The following EYS variants were observed in gnomAD, a reference collection of about 807,000 sequenced individuals.
EYS encodes the protein EGF-like photoreceptor maintenance factor.
Under a neutral mutation model 282.1 loss-of-function variants are expected in EYS, and 250 were observed. The observed-to-expected ratio is 0.89, with a 90% CI of 0.80 to 0.98. EYS has a LOEUF of 0.98. EYS is among the 50% of genes least tolerant of loss of function. EYS has a pLI of 0.00. For missense variants in EYS, 4,016 were observed against 3,709.0 expected (o/e 1.08, Z -2.15); for synonymous variants, 1,355 against 1,282.9 (o/e 1.06, Z -1.20).
At chr6:64,786,875 TC>T (rs973364640) in intron 22 of EYS, among the ~76,000 whole-genome samples, 2 of 152,220 alleles carry the variant, frequency 1.3e-5, no homozygotes, top group African/African-American at 4.8e-5. Flanking sequence ...CACTCAGCTT[TC>T]TCTGACTTCA....
intron 12 of EYS, among the ~76,000 whole-genome samples, chr6:65,143,075 C>T (rs1049579532): frequency 8.6e-5 from 13 of 151,938 alleles, no homozygotes; most frequent in Non-Finnish European, 1.8e-4. Flanking sequence ...GAAAAAGACT[C>T]ATATATAAAT....
chr6:65,134,219 G>T (rs757478029), intron 12 of EYS, among the ~76,000 whole-genome samples: 9 of 151,950 alleles, frequency 5.9e-5, no homozygotes, highest in Non-Finnish European at 1.2e-4. Context: ...TTCTCAAACA[G>T]CTAGAAACAG....
chr6:65,313,029 G>A (rs1769202038), intron 11 of EYS, among the ~76,000 whole-genome samples: 1 of 152,034 alleles, frequency 6.6e-6, no homozygotes, highest in Non-Finnish European at 1.5e-5. Context: ...ACTGTTTCGT[G>A]GAACACCAGC....
chr6:65,137,384 C>T (rs972878164), intron 12 of EYS, among the ~76,000 whole-genome samples: 1 of 151,994 alleles, frequency 6.6e-6, no homozygotes, highest in Non-Finnish European at 1.5e-5. Context: ...AGAAATGAGA[C>T]CATTTGAGGT....
intron 31 of EYS, among the ~76,000 whole-genome samples, chr6:64,178,401 A>G (rs1048535849): frequency 3.3e-5 from 5 of 152,026 alleles, no homozygotes; most frequent in Non-Finnish European, 5.9e-5. Flanking sequence ...AATTGCTCTG[A>G]CTCTGTAATT....
At chr6:64,188,903 C>T (rs961294257) in intron 31 of EYS, among the ~76,000 whole-genome samples, 7 of 152,072 alleles carry the variant, frequency 4.6e-5, no homozygotes, top group African/African-American at 7.2e-5. Context: ...ATTTCATCAT[C>T]TTTTTACTGC....
intron 2 of EYS, among the ~76,000 whole-genome samples, chr6:65,607,688 G>A: frequency 6.6e-6 from 1 of 151,676 alleles, no homozygotes; most frequent in East Asian, 1.9e-4. Context: ...AACAAAATTT[G>A]TGCTTTAAAG....
chr6:64,040,284 TCA>T (rs1327545735), intron 33 of EYS, among the ~76,000 whole-genome samples: 1 of 152,216 alleles, frequency 6.6e-6, no homozygotes, highest in Non-Finnish European at 1.5e-5. Context: ...GGAAGATGCC[TCA>T]GAGTTACTAG....
intron 28 of EYS, among the ~76,000 whole-genome samples, chr6:64,404,372 AGTGTGAGAGTGTGTGTGTGTGT>A (rs1429641055): frequency 2.9e-5 from 4 of 139,584 alleles, no homozygotes; most frequent in African/African-American, 1.3e-4. Flanking sequence ...TGTAATATAG[AGTGTGAGAGTGTGTGTGTGTGT>A]GTGTGTGTGT....
intron 28 of EYS, among the ~76,000 whole-genome samples, chr6:64,393,735 CCT>C (rs1227419786): frequency 1.3e-5 from 2 of 151,350 alleles, no homozygotes; most frequent in Non-Finnish European, 3.0e-5. Flanking sequence ...ACAGGGATGC[CCT>C]CTCTCACCAC....
At chr6:65,279,330 G>A (rs1166581019) in intron 12 of EYS, among the ~76,000 whole-genome samples, 3 of 151,690 alleles carry the variant, frequency 2.0e-5, no homozygotes, top group African/African-American at 7.3e-5. Context: ...CTAGATCTCT[G>A]CTTAAATGTC....
intron 1 of EYS, among the ~76,000 whole-genome samples, chr6:65,692,072 C>G: frequency 6.7e-6 from 1 of 150,234 alleles, no homozygotes; most frequent in Non-Finnish European, 1.5e-5. Flanking sequence ...CACATAAACA[C>G]AGACCATGCA....
chr6:64,588,000 T>C (rs1011011941), intron 26 of EYS, among the ~76,000 whole-genome samples: 9 of 152,042 alleles, frequency 5.9e-5, no homozygotes, highest in African/African-American at 2.2e-4. Context: ...CTTTCCTTCA[T>C]TGCCAGATAA....
intron 22 of EYS, among the ~76,000 whole-genome samples, chr6:64,703,425 A>ATTTTTTTTT (rs1562144141): frequency 3.4e-4 from 7 of 20,732 alleles, no homozygotes; most frequent in African/African-American, 4.4e-4. Context: ...ATATATATAT[A>ATTTTTTTTT]TATATTTTTT....
chr6:64,221,497 C>T (rs1187384665), intron 31 of EYS, among the ~76,000 whole-genome samples: 1 of 152,046 alleles, frequency 6.6e-6, no homozygotes, highest in Non-Finnish European at 1.5e-5. Flanking sequence ...GGACTATGAA[C>T]CATTAAATTT....
chr6:64,152,293 A>G (rs745634051), intron 31 of EYS, among the ~76,000 whole-genome samples: 1 of 152,222 alleles, frequency 6.6e-6, no homozygotes, highest in Non-Finnish European at 1.5e-5. Flanking sequence ...AAAAAAAGTG[A>G]TAACAAATTT....
intron 31 of EYS, among the ~76,000 whole-genome samples, chr6:64,120,497 AT>A (rs1773550952): frequency 6.6e-6 from 1 of 152,084 alleles, no homozygotes; most frequent in African/African-American, 2.4e-5. Context: ...CTGTAGTTAA[AT>A]TTTAATGAAA....
chr6:65,248,566 T>C (rs1767240358), intron 12 of EYS, among the ~76,000 whole-genome samples: 1 of 152,040 alleles, frequency 6.6e-6, no homozygotes, highest in Admixed American at 6.6e-5. Context: ...TTACCCTATG[T>C]AGCAAAATAA....
intron 29 of EYS, among the ~76,000 whole-genome samples, chr6:64,340,137 AT>A: frequency 6.6e-6 from 1 of 151,780 alleles, no homozygotes; most frequent in South Asian, 2.1e-4. Flanking sequence ...CTGTAGAAGT[AT>A]ATGAAAGAGC....
Sources: allele counts gnomAD v4.1 joint callset (sites outside exome capture counted in the v4.1 genomes callset), GRCh38; gene constraint gnomAD v4.1.1; transcripts MANE v1.5; gene names NCBI Gene and HGNC (gene_info 2026-07-23, HGNC 2026-07-21).